Variants in TENM2 observed in about 807,000 individuals in gnomAD.
The protein encoded by TENM2 is teneurin-2.
A neutral mutation model predicts 245.2 loss-of-function variants in TENM2; 52 were observed. That is an observed-to-expected ratio of 0.21 (90% CI 0.17 to 0.27). The LOEUF is 0.27. Ranked by LOEUF, TENM2 falls within the 10% of genes least tolerant of loss-of-function variation. The pLI is 1.00. For missense variants in TENM2, 3,046 were observed against 3,666.8 expected (o/e 0.83, Z 4.37); for synonymous variants, 1,363 against 1,438.9 (o/e 0.95, Z 1.19).
chr5:167,659,798 A>G (rs896414394), intron 2 of TENM2, among the ~76,000 whole-genome samples: 12 of 152,052 alleles, frequency 7.9e-5, no homozygotes, highest in African/African-American at 2.9e-4. Context: ...AGGTTCCTCT[A>G]CTCATACAAA....
intron 2 of TENM2, among the ~76,000 whole-genome samples, chr5:167,863,641 G>C (rs1963355): frequency 0.28 from 42,310 of 151,920 alleles, 6,911 homozygotes; most frequent in African/African-American, 0.46. Context: ...GAGACTCTGT[G>C]TCTCAATAAA....
chr5:167,109,005 T>C, the TENM2 span, among the ~76,000 whole-genome samples: 1 of 152,312 alleles, frequency 6.6e-6, no homozygotes, highest in Admixed American at 6.5e-5. Flanking sequence ...AATTTGATTT[T>C]GTACAGAAGG....
intron 2 of TENM2, among the ~76,000 whole-genome samples, chr5:167,556,681 G>A (rs542045265): frequency 1.7e-4 from 26 of 152,156 alleles, no homozygotes; most frequent in Admixed American, 1.6e-3. Context: ...TTCTGAGCTC[G>A]CTTAGACCAC....
chr5:167,146,123 G>A, the TENM2 span, among the ~76,000 whole-genome samples: 1 of 152,112 alleles, frequency 6.6e-6, no homozygotes, highest in African/African-American at 2.4e-5. Flanking sequence ...GTACTTGGTA[G>A]CTATATATCA....
intron 25 of TENM2, among the ~76,000 whole-genome samples, chr5:168,230,565 A>C (rs1191213084): frequency 1.3e-5 from 2 of 152,146 alleles, no homozygotes. Context: ...CCTAAGCCGA[A>C]GGTACCCATT....
chr5:167,588,341 A>G (rs1279349389), intron 2 of TENM2, among the ~76,000 whole-genome samples: 3 of 152,196 alleles, frequency 2.0e-5, no homozygotes, highest in African/African-American at 4.8e-5. Flanking sequence ...TCTGCATTGA[A>G]TATTCGTGCA....
intron 2 of TENM2, among the ~76,000 whole-genome samples, chr5:167,667,348 C>A (rs1214211902): frequency 6.6e-6 from 1 of 152,118 alleles, no homozygotes; most frequent in African/African-American, 2.4e-5. Flanking sequence ...ACACCCAAAC[C>A]AGGAAAGGCA....
At chr5:167,723,039 T>C (rs74783838) in intron 2 of TENM2, among the ~76,000 whole-genome samples, 2,100 of 152,250 alleles carry the variant, frequency 0.014, 42 homozygotes, top group African/African-American at 0.049. Flanking sequence ...AACCACTATG[T>C]CTGTCATTAA....
the TENM2 span, among the ~76,000 whole-genome samples, chr5:166,992,044 CTGTT>C: frequency 7.4e-6 from 1 of 134,754 alleles, no homozygotes; most frequent in Non-Finnish European, 1.6e-5. Context: ...AAATAAATAT[CTGTT>C]TCATATTCCA....
chr5:167,582,701 G>C (rs1325969458), intron 2 of TENM2, among the ~76,000 whole-genome samples: 1 of 152,078 alleles, frequency 6.6e-6, no homozygotes, highest in East Asian at 1.9e-4. Context: ...AAACCAAGCT[G>C]TAATTACTTT....
chr5:168,178,436 T>C (rs60073293), intron 13 of TENM2, among the ~76,000 whole-genome samples: 1 of 152,258 alleles, frequency 6.6e-6, no homozygotes, highest in East Asian at 1.9e-4. Flanking sequence ...TGCCAGTGGT[T>C]TTTGTAACAG....
chr5:167,284,254 A>T (rs1048270455), upstream of TENM2, among the ~76,000 whole-genome samples: 31 of 126,798 alleles, frequency 2.4e-4, no homozygotes, highest in Admixed American at 2.9e-3. Context: ...TGTTAGTTGA[A>T]TGTGACTTGG....
chr5:168,131,381 G>T (rs1163554720), intron 12 of TENM2, among the ~76,000 whole-genome samples: 1 of 152,192 alleles, frequency 6.6e-6, no homozygotes, highest in African/African-American at 2.4e-5. Context: ...CTAGGACCTT[G>T]TGAGGCTGAG....
At chr5:167,721,852 G>T (rs953078697) in intron 2 of TENM2, among the ~76,000 whole-genome samples, 1 of 152,086 alleles carries the variant, frequency 6.6e-6, no homozygotes, top group Non-Finnish European at 1.5e-5. Context: ...TTTCCAATGC[G>T]ATTTGACAGA....
chr5:167,395,047 G>A (rs926741535), intron 2 of TENM2, among the ~76,000 whole-genome samples: 10 of 152,262 alleles, frequency 6.6e-5, no homozygotes, highest in African/African-American at 2.4e-4. Context: ...AATTTTGGTA[G>A]GGATTGGATG....
intron 3 of TENM2, among the ~76,000 whole-genome samples, chr5:167,911,742 G>A (rs1419923314): frequency 6.6e-6 from 1 of 152,146 alleles, no homozygotes; most frequent in African/African-American, 2.4e-5. Context: ...TGTTAGCTGT[G>A]TGCCAGGCAG....
chr5:167,941,692 A>G (rs566961019), intron 3 of TENM2, among the ~76,000 whole-genome samples: 48 of 151,490 alleles, frequency 3.2e-4, no homozygotes, highest in Non-Finnish European at 6.0e-4. Flanking sequence ...ACCAAAAAAA[A>G]AAAAAAAAAA....
At chr5:167,080,429 C>T in the TENM2 span, among the ~76,000 whole-genome samples, 308 of 152,198 alleles carry the variant, frequency 2.0e-3, 3 homozygotes, top group African/African-American at 6.9e-3. Context: ...AGAATCAACA[C>T]GGATAGAAAG....
At chr5:168,151,283 T>C (rs976338119) in intron 12 of TENM2, among the ~76,000 whole-genome samples, 1 of 152,226 alleles carries the variant, frequency 6.6e-6, no homozygotes, top group Non-Finnish European at 1.5e-5. Flanking sequence ...CTCATTTTCA[T>C]TTACGTCTTT....
Sources: allele counts gnomAD v4.1 joint callset (sites outside exome capture counted in the v4.1 genomes callset), GRCh38; gene constraint gnomAD v4.1.1; transcripts MANE v1.5; gene names NCBI Gene and HGNC (gene_info 2026-07-23, HGNC 2026-07-21).